Variants in COL25A1 observed in about 807,000 individuals in gnomAD.
The protein encoded by COL25A1 is collagen type XXV alpha 1 chain, also known as collagen alpha-1(XXV) chain.
COL25A1 carries 103 observed loss-of-function variants against 128.4 expected under a neutral mutation model. The observed-to-expected ratio is 0.80, with a 90% CI of 0.68 to 0.94. The LOEUF is 0.94. COL25A1 is among the 40% of genes least tolerant of loss of function. COL25A1 has a pLI of 0.00. For missense variants in COL25A1, 745 were observed against 840.0 expected (o/e 0.89, Z 1.40); for synonymous variants, 279 against 277.2 (o/e 1.01, Z -0.06).
chr4:109,101,652 T>TA (rs1765903553), intron 3 of COL25A1, among the ~76,000 whole-genome samples: 1 of 152,200 alleles, frequency 6.6e-6, no homozygotes, highest in South Asian at 2.1e-4. Context: ...CAAGTCTAGG[T>TA]GTCTCTTGAA....
At chr4:108,907,019 C>T (rs58345579) in intron 13 of COL25A1, among the ~76,000 whole-genome samples, 2,982 of 152,228 alleles carry the variant, frequency 0.02, 106 homozygotes, top group African/African-American at 0.068. Context: ...TCTCAGGAAC[C>T]GCAAGGCAGC....
intron 31 of COL25A1, chr4:108,834,429 C>A: frequency 2.0e-6 from 3 of 1,536,590 alleles, no homozygotes; most frequent in Non-Finnish European, 1.8e-6. Context: ...GTGGGTGTAA[C>A]ACGAATGACA....
intron 8 of COL25A1, 35 bp downstream of exon 8, chr4:108,974,332 A>T: frequency 6.2e-7 from 1 of 1,610,686 alleles, no homozygotes; most frequent in South Asian, 1.1e-5. Flanking sequence ...GTTAGAAACT[A>T]ATTTTCCGCC....
intron 33 of COL25A1, among the ~76,000 whole-genome samples, chr4:108,826,578 C>T (rs995807371): frequency 6.6e-6 from 1 of 152,144 alleles, no homozygotes; most frequent in Non-Finnish European, 1.5e-5. Flanking sequence ...TTTCAGAAGA[C>T]AGAGCACTAT....
intron 8 of COL25A1, among the ~76,000 whole-genome samples, chr4:108,958,015 T>C (rs1489987369): frequency 6.6e-6 from 1 of 152,168 alleles, no homozygotes; most frequent in Non-Finnish European, 1.5e-5. Context: ...AAAGGAAATA[T>C]AATCTACCAT....
At chr4:108,818,608 A>T (rs1320225188) in intron 36 of COL25A1, among the ~76,000 whole-genome samples, 1 of 152,144 alleles carries the variant, frequency 6.6e-6, no homozygotes, top group Non-Finnish European at 1.5e-5. Context: ...GAGATAAGGG[A>T]GTTTGGTCTA....
chr4:109,059,218 C>A (rs12331088), intron 3 of COL25A1, among the ~76,000 whole-genome samples: 23,126 of 152,124 alleles, frequency 0.15, 3,103 homozygotes, highest in African/African-American at 0.36. Flanking sequence ...ACTTATTTTT[C>A]CTAGTTGTGT....
intron 5 of COL25A1, among the ~76,000 whole-genome samples, chr4:109,020,425 G>C (rs961698375): frequency 2.0e-5 from 3 of 149,550 alleles, no homozygotes; most frequent in Non-Finnish European, 4.4e-5. Context: ...AAAATAAGTG[G>C]TTCATCTAAA....
chr4:108,836,168 C>A (rs1417448479), intron 31 of COL25A1, among the ~76,000 whole-genome samples: 2 of 151,172 alleles, frequency 1.3e-5, no homozygotes, highest in Non-Finnish European at 1.5e-5. Flanking sequence ...CCGTGCCCGG[C>A]CTTACATACG....
intron 3 of COL25A1, among the ~76,000 whole-genome samples, chr4:109,296,530 AC>A (rs1429958694): frequency 6.6e-6 from 1 of 152,092 alleles, no homozygotes; most frequent in Admixed American, 6.6e-5. Context: ...AATGTCTAGC[AC>A]AGTATTTGGC....
At chr4:108,836,761 C>T (rs79499078) in intron 31 of COL25A1, among the ~76,000 whole-genome samples, 26 of 152,180 alleles carry the variant, frequency 1.7e-4, no homozygotes, top group Non-Finnish European at 2.8e-4. Flanking sequence ...TGCCTATGGT[C>T]CATTGATCTA....
chr4:109,015,494 G>A (rs539679811), intron 5 of COL25A1, among the ~76,000 whole-genome samples: 3 of 152,186 alleles, frequency 2.0e-5, no homozygotes, highest in African/African-American at 7.2e-5. Flanking sequence ...TCTAGTAAAC[G>A]TAAAAGCCAT....
At chr4:109,217,909 G>A (rs757898447) in intron 3 of COL25A1, among the ~76,000 whole-genome samples, 4 of 152,048 alleles carry the variant, frequency 2.6e-5, no homozygotes, top group East Asian at 1.9e-4. Flanking sequence ...ACAGTTGGTC[G>A]AAACCAAGGA....
intron 3 of COL25A1, among the ~76,000 whole-genome samples, chr4:109,227,870 T>A (rs1288847382): frequency 2.6e-5 from 4 of 152,112 alleles, no homozygotes; most frequent in African/African-American, 7.2e-5. Context: ...CCAAGACAGG[T>A]CATCTACAAG....
chr4:108,840,025 T>C (rs1734253799), intron 31 of COL25A1, among the ~76,000 whole-genome samples: 1 of 151,916 alleles, frequency 6.6e-6, no homozygotes, highest in Non-Finnish European at 1.5e-5. Flanking sequence ...GCGGATCACT[T>C]GGGGTCAGGA....
intron 3 of COL25A1, among the ~76,000 whole-genome samples, chr4:109,187,834 T>C (rs576318421): frequency 3.5e-4 from 53 of 152,084 alleles, no homozygotes; most frequent in African/African-American, 1.1e-3. Flanking sequence ...CTTAGAAAAA[T>C]GGTTTAAGGG....
At chr4:109,012,437 C>T (rs919447816) in intron 5 of COL25A1, among the ~76,000 whole-genome samples, 2 of 152,198 alleles carry the variant, frequency 1.3e-5, no homozygotes, top group African/African-American at 4.8e-5. Context: ...TGGCCAAGGC[C>T]GGAGCTGGCT....
At chr4:108,985,916 T>A (rs1043605989) in intron 6 of COL25A1, among the ~76,000 whole-genome samples, 1 of 152,194 alleles carries the variant, frequency 6.6e-6, no homozygotes, top group Non-Finnish European at 1.5e-5. Flanking sequence ...AATTCAACAT[T>A]CTCAAACCAA....
intron 26 of COL25A1, among the ~76,000 whole-genome samples, chr4:108,850,791 C>G (rs1403641549): frequency 6.6e-6 from 1 of 151,952 alleles, no homozygotes; most frequent in African/African-American, 2.4e-5. Flanking sequence ...TACTGAATAA[C>G]TGAATTAATA....
Sources: gnomAD v4.1 joint callset for allele counts (sites outside exome capture counted in the v4.1 genomes callset) on GRCh38, gnomAD v4.1.1 for gene constraint, MANE v1.5 for transcripts, NCBI Gene and HGNC (gene_info 2026-07-23, HGNC 2026-07-21) for gene names.